Variants in PPIG observed in about 807,000 individuals in gnomAD.
The protein encoded by PPIG is peptidyl-prolyl cis-trans isomerase G.
In PPIG, 26 loss-of-function variants were observed where a neutral mutation model predicts 87.9. The ratio of observed to expected loss-of-function variants is 0.30; its 90% CI spans 0.22 to 0.41. The LOEUF is 0.41. Ranked by LOEUF, PPIG falls within the 10% of genes least tolerant of loss-of-function variation. The pLI is 1.00. For missense variants in PPIG, 722 were observed against 879.4 expected (o/e 0.82, Z 2.26); for synonymous variants, 308 against 276.5 (o/e 1.11, Z -1.13).
rs1686171592 is a variant in PPIG, at chr2:169,636,006, C to A, written c.1018-86C>A. On this transcript the variant is annotated intron_variant, in intron 12 of 13. Coordinates refer to ENST00000260970, the MANE Select transcript of PPIG (RefSeq NM_004792.3). ...ACCCCTTACTACCTCCTGACCCTCA[C>A]CCCAGTACTTCCCTCCCTCCCAGCA... The A allele has an allele frequency of 5.0e-6, 5 of 1,003,682 alleles. No homozygotes were observed. In the Admixed American group the frequency reaches 1.4e-4, roughly 28 times the overall value. 62.2% of individuals were successfully genotyped at this position (1,003,682 alleles called of 1,614,324 possible). A position where few individuals can be genotyped will look rare whatever the true frequency, so the allele number is the denominator to read the frequency against.
intron 9 of PPIG, among the ~76,000 whole-genome samples, chr2:169,621,204 C>T (rs1345450117): frequency 6.6e-6 from 1 of 151,876 alleles, no homozygotes; most frequent in Non-Finnish European, 1.5e-5. Context: ...CTGATTTCCT[C>T]TATAATATTT....
intron 9 of PPIG, among the ~76,000 whole-genome samples, chr2:169,629,469 T>C (rs1685980431): frequency 6.6e-6 from 1 of 152,226 alleles, no homozygotes; most frequent in South Asian, 2.1e-4. Flanking sequence ...GACATTGAAA[T>C]TGGTCTTGTA....
rs546978684 is a variant in PPIG, at chr2:169,589,669, TG to T, written c.-70+5180del. 1.9e-4 allele frequency among the ~76,000 whole-genome samples: 29 copies of T among 152,164 alleles called. No homozygotes were observed. The East Asian group carries it at 5.2e-3, about 27-fold the overall frequency. On this transcript the variant is annotated intron_variant, in intron 1 of 13. Transcript: ENST00000260970. ...GTTTTGGGGTTTTTTTGGGGGGGGT[TG>T]TTTTTTTGGGAAACAAAACACTTCC...
intron 2 of PPIG, 124 bp downstream of exon 2, chr2:169,603,818 TC>T: frequency 1.8e-6 from 1 of 561,110 alleles, no homozygotes; most frequent in Admixed American, 3.1e-5. Context: ...GGCTTAACTT[TC>T]AAGTCTTTTC....
chr2:169,637,110 A>T lies in PPIG; in HGVS notation c.1852A>T (p.Ser618Cys). The change falls in exon 14 of 14, where the codon AGT becomes TGT. Residue 618 changes from serine to cysteine, a missense_variant. Ser to Cys is a moderately radical substitution (Grantham distance 112, BLOSUM62 -1). Around this residue, in one of 4 missense-constraint regions of PPIG, gnomAD observed 476 missense variants for 483.1 expected, o/e 0.99. Transcript: ENST00000260970. The stretch of plus-strand genomic sequence containing the variant: ...AAGAACACCACCAGGAAGATCAAGA[A>T]GTAAAGATAGGAGGAGAAGGAGGAG... ...ERRTPPGRSR[S>C]KDRRRRRRDS... The T allele has an allele frequency of 6.2e-7, 1 of 1,612,830 alleles. No individual in the cohort carries two copies. Among genetic ancestry groups the T allele is most frequent in the Non-Finnish European group, 8.5e-7 (1 of 1,179,486 alleles).
At chr2:169,634,852 A>G (rs1038979785) in intron 12 of PPIG, among the ~76,000 whole-genome samples, 4 of 152,168 alleles carry the variant, frequency 2.6e-5, no homozygotes, top group Non-Finnish European at 5.9e-5. Flanking sequence ...AATTTTTTTA[A>G]ATCTCAGTAC....
intron 4 of PPIG, 28 bp downstream of exon 4, chr2:169,604,289 TAG>T: frequency 1.3e-6 from 2 of 1,531,212 alleles, no homozygotes; most frequent in Non-Finnish European, 1.8e-6. Context: ...ACTGCCCTAA[TAG>T]TAGTCTCAGT....
rs368736672 is a variant in PPIG, at chr2:169,607,229, A to G, written c.289+81A>G. 5.7e-5 allele frequency: 52 copies of G among 915,450 alleles called. 1 individual carries two copies. In the African/African-American group the frequency reaches 7.5e-4, roughly 13 times the overall value. 56.7% of individuals were successfully genotyped at this position (915,450 alleles called of 1,614,324 possible). On this transcript the variant is annotated intron_variant, in intron 6 of 13. Transcript: ENST00000260970. ...TATTCTCTATGGAATCAATAACATT[A>G]TTCATTAAAGGGTATACTAATGTCT... is the stretch of plus-strand genomic sequence containing the variant.
intron 9 of PPIG, among the ~76,000 whole-genome samples, chr2:169,627,791 G>T (rs973109489): frequency 2.7e-5 from 4 of 147,212 alleles, no homozygotes; most frequent in African/African-American, 1.0e-4. Flanking sequence ...TCATAGGAAA[G>T]AATCTCAGTG....
intron 9 of PPIG, among the ~76,000 whole-genome samples, chr2:169,627,598 C>T (rs13382615): frequency 0.6 from 90,507 of 151,720 alleles, 27,619 homozygotes; most frequent in African/African-American, 0.73. Context: ...GCGATCATGG[C>T]TCACTGCAGC....
At chr2:169,593,132 A>G (rs564005368) in intron 1 of PPIG, among the ~76,000 whole-genome samples, 14 of 151,674 alleles carry the variant, frequency 9.2e-5, no homozygotes, top group Admixed American at 2.0e-4. Context: ...GTGTGTATAT[A>G]TATATATATA....
chr2:169,617,784 T>C (rs903859673), intron 9 of PPIG, among the ~76,000 whole-genome samples: 1 of 152,214 alleles, frequency 6.6e-6, no homozygotes, highest in Non-Finnish European at 1.5e-5. Context: ...AAATATACAA[T>C]CATGTCATCT....
At chr2:169,603,050 A>G (rs1436676002) in intron 1 of PPIG, among the ~76,000 whole-genome samples, 1 of 152,202 alleles carries the variant, frequency 6.6e-6, no homozygotes, top group East Asian at 1.9e-4. Context: ...GACAATGATA[A>G]TGTTTACTGA....
chr2:169,632,795 T>C (rs190077948), intron 11 of PPIG, among the ~76,000 whole-genome samples: 5 of 151,832 alleles, frequency 3.3e-5, no homozygotes, highest in African/African-American at 1.2e-4. Context: ...AAAAGGAATA[T>C]TGAAATATTT....
intron 9 of PPIG, among the ~76,000 whole-genome samples, chr2:169,626,079 T>C (rs1685878915): frequency 6.6e-6 from 1 of 152,208 alleles, no homozygotes; most frequent in Admixed American, 6.5e-5. Context: ...GTTCTGACAT[T>C]ATGTTGACTA....
chr2:169,608,665 C>T lies in PPIG; in HGVS notation c.290-6C>T, dbSNP rs746169308. 4.1e-5 allele frequency: 66 copies of T among 1,598,360 alleles called. No individual in the cohort carries two copies. Among genetic ancestry groups the T allele is most frequent in the Non-Finnish European group, 5.7e-5 (66 of 1,166,400 alleles). ...TAATGTAACTGAAAACTTTACTTCT[C>T]TATAGACGAGAGTTTCGCTGTTAAA... On this transcript the variant is annotated splice_region_variant and splice_polypyrimidine_tract_variant and intron_variant, in intron 6 of 13. Transcript: ENST00000260970.
chr2:169,615,369 C>A (rs576385213), intron 9 of PPIG, among the ~76,000 whole-genome samples: 1 of 152,122 alleles, frequency 6.6e-6, no homozygotes, highest in African/African-American at 2.4e-5. Context: ...GAATACAGTA[C>A]ATTGTTATTA....
Position 169,631,019 on chromosome 2 carries a change from A to G in PPIG, c.761+32A>G, listed in dbSNP as rs540074026. 19 of 1,503,192 alleles carry G rather than the reference A, an allele frequency of 1.3e-5. No individual in the cohort carries two copies. The Admixed American group carries it at 2.9e-4, about 23-fold the overall frequency. 93.1% of individuals were successfully genotyped at this position (1,503,192 alleles called of 1,614,324 possible). A position where few individuals can be genotyped will look rare whatever the true frequency, so the allele number is the denominator to read the frequency against. ...ATTTTACTTTTCTAATGCTAGCTTT[A>G]TATTCTGATTTCCTTTCTGTAAATC... On this transcript the variant is annotated intron_variant, in intron 10 of 13. Transcript: ENST00000260970.
chr2:169,631,667 A>C, intron 10 of PPIG, 99 bp from the exon 11 acceptor site: 3 of 1,578,822 alleles, frequency 1.9e-6, no homozygotes, highest in South Asian at 2.4e-5. Context: ...GGATGTTTAT[A>C]TTATAGTGAT....
Sources: allele counts gnomAD v4.1 joint callset (sites outside exome capture counted in the v4.1 genomes callset), GRCh38; gene constraint gnomAD v4.1.1; regional missense constraint gnomAD v4.1.1; transcripts MANE v1.5; gene names NCBI Gene and HGNC (gene_info 2026-07-23, HGNC 2026-07-21).